Variants in ANKRD30B observed in about 807,000 individuals in gnomAD.
ANKRD30B encodes ankyrin repeat domain 30B.
A neutral mutation model predicts 202.2 loss-of-function variants in ANKRD30B; 144 were observed. The observed-to-expected ratio is 0.71, with a 90% CI of 0.62 to 0.82. ANKRD30B has a LOEUF of 0.82. Ranked by LOEUF, ANKRD30B falls within the 40% of genes least tolerant of loss-of-function variation. ANKRD30B has a pLI of 0.00. For synonymous variants in ANKRD30B, 508 were observed against 561.3 expected (o/e 0.91, Z 1.34); for missense variants, 1,487 against 1,669.1 (o/e 0.89, Z 1.90).
At chr18:14,796,954 C>A (rs1322459630) in intron 18 of ANKRD30B, among the ~76,000 whole-genome samples, 1 of 152,132 alleles carries the variant, frequency 6.6e-6, no homozygotes, top group South Asian at 2.1e-4. Flanking sequence ...ATAGTGTGTG[C>A]ATCGGTAATT....
the ANKRD30B span, among the ~76,000 whole-genome samples, chr18:14,933,513 G>A: frequency 1.3e-5 from 2 of 152,220 alleles, no homozygotes; most frequent in South Asian, 2.1e-4. Context: ...CCAGGAAATC[G>A]GGACTGGGTG....
At chr18:14,850,121 T>C (rs1402064079) in intron 40 of ANKRD30B, 93 bp from the exon 41 acceptor site, 2 of 900,282 alleles carry the variant, frequency 2.2e-6, no homozygotes, top group African/African-American at 1.8e-5. Flanking sequence ...GGAATTTTAT[T>C]GGAATAATAA....
At chr18:14,752,076 G>T (rs1450781402) in intron 1 of ANKRD30B, among the ~76,000 whole-genome samples, 1 of 152,240 alleles carries the variant, frequency 6.6e-6, no homozygotes, top group Admixed American at 6.5e-5. Flanking sequence ...ACACCACGAA[G>T]TAGGCATAAT....
intron 22 of ANKRD30B, among the ~76,000 whole-genome samples, chr18:14,799,755 G>C (rs1598641432): frequency 6.6e-6 from 1 of 152,018 alleles, no homozygotes; most frequent in Non-Finnish European, 1.5e-5. Context: ...GTGTGTGTGT[G>C]TGTGTGTGAC....
chr18:14,806,649 G>A (rs1969540887), intron 24 of ANKRD30B, among the ~76,000 whole-genome samples: 1 of 149,116 alleles, frequency 6.7e-6, no homozygotes, highest in Admixed American at 6.6e-5. Flanking sequence ...TAAATGCCAA[G>A]TGATAAACGG....
chr18:14,870,915 C>T, the ANKRD30B span, among the ~76,000 whole-genome samples: 1 of 151,900 alleles, frequency 6.6e-6, no homozygotes, highest in Non-Finnish European at 1.5e-5. Context: ...ACAGCTGCTG[C>T]CCCCGCCCAA....
At chr18:14,875,476 T>C in the ANKRD30B span, among the ~76,000 whole-genome samples, 12 of 152,168 alleles carry the variant, frequency 7.9e-5, no homozygotes, top group East Asian at 3.9e-4. Context: ...CAAACACTTA[T>C]TGAGCGCTTA....
At chr18:14,901,110 G>A in the ANKRD30B span, among the ~76,000 whole-genome samples, 1 of 152,140 alleles carries the variant, frequency 6.6e-6, no homozygotes, top group East Asian at 1.9e-4. Flanking sequence ...TGGAGGGGAT[G>A]TTGCTTGGCA....
intron 15 of ANKRD30B, among the ~76,000 whole-genome samples, chr18:14,788,549 C>G (rs1009222915): frequency 2.0e-5 from 3 of 152,080 alleles, no homozygotes; most frequent in African/African-American, 7.2e-5. Flanking sequence ...CCCCGCTCCC[C>G]CCACCCCACA....
At chr18:14,926,866 G>A in the ANKRD30B span, among the ~76,000 whole-genome samples, 4 of 152,020 alleles carry the variant, frequency 2.6e-5, no homozygotes, top group Non-Finnish European at 5.9e-5. Context: ...GTTGGAGGCT[G>A]GAATGAAAGA....
intron 15 of ANKRD30B, among the ~76,000 whole-genome samples, chr18:14,789,078 A>G (rs541144482): frequency 6.6e-6 from 1 of 151,804 alleles, no homozygotes; most frequent in Non-Finnish European, 1.5e-5. Context: ...CTTTTTAATG[A>G]TTGCCATTCT....
At chr18:14,796,684 A>C (rs1476499484) in intron 18 of ANKRD30B, among the ~76,000 whole-genome samples, 1 of 152,082 alleles carries the variant, frequency 6.6e-6, no homozygotes, top group African/African-American at 2.4e-5. Flanking sequence ...TCCCAGGTGG[A>C]TCGGCAGGTT....
At chr18:14,805,987 G>C (rs1432681870) in intron 24 of ANKRD30B, among the ~76,000 whole-genome samples, 1 of 150,480 alleles carries the variant, frequency 6.6e-6, no homozygotes, top group Non-Finnish European at 1.5e-5. Flanking sequence ...TTGGGAGGCC[G>C]AGGCGGGCAG....
intron 39 of ANKRD30B, among the ~76,000 whole-genome samples, chr18:14,844,407 C>T (rs1253238925): frequency 1.3e-5 from 2 of 152,146 alleles, no homozygotes; most frequent in African/African-American, 4.8e-5. Flanking sequence ...TTCCCTGAAA[C>T]AGTGCAGTAT....
chr18:14,756,065 G>T (rs1335492483), intron 4 of ANKRD30B, among the ~76,000 whole-genome samples: 1 of 152,166 alleles, frequency 6.6e-6, no homozygotes, highest in Admixed American at 6.5e-5. Context: ...TCCAGCACCT[G>T]TTGTTTCCTG....
chr18:14,914,626 T>C, the ANKRD30B span, among the ~76,000 whole-genome samples: 8 of 152,192 alleles, frequency 5.3e-5, no homozygotes, highest in African/African-American at 1.9e-4. Flanking sequence ...AATAAGAACT[T>C]CATAATGAAT....
intron 39 of ANKRD30B, among the ~76,000 whole-genome samples, chr18:14,848,444 A>T (rs1971744403): frequency 6.6e-6 from 1 of 152,084 alleles, no homozygotes; most frequent in South Asian, 2.1e-4. Context: ...CCTAGTACAG[A>T]TCCTATTCTT....
chr18:14,878,209 G>A, the ANKRD30B span, among the ~76,000 whole-genome samples: 1 of 152,126 alleles, frequency 6.6e-6, no homozygotes, highest in Admixed American at 6.6e-5. Context: ...CTCTCCCTTT[G>A]TGGAACCGAG....
intron 8 of ANKRD30B, among the ~76,000 whole-genome samples, chr18:14,770,509 G>T (rs908862350): frequency 9.9e-5 from 15 of 152,102 alleles, no homozygotes; most frequent in East Asian, 5.8e-4. Flanking sequence ...AATGGAAAAG[G>T]ATAAGAATGG....
Sources: gnomAD v4.1 joint callset for allele counts (sites outside exome capture counted in the v4.1 genomes callset) on GRCh38, gnomAD v4.1.1 for gene constraint, MANE v1.5 for transcripts, NCBI Gene and HGNC (gene_info 2026-07-23, HGNC 2026-07-21) for gene names.